DMD: variants seen among roughly 807,000 people sequenced by gnomAD.
DMD encodes the protein mutant dystrophin.
In DMD, 63 loss-of-function variants were observed where a neutral mutation model predicts 330.1. The ratio of observed to expected loss-of-function variants is 0.19; its 90% CI spans 0.16 to 0.24. DMD has a LOEUF of 0.24. Among genes scored for constraint, DMD ranks in the 10% least tolerant of loss-of-function variants. DMD has a pLI of 1.00. For synonymous variants in DMD, 1,223 were observed against 959.8 expected (o/e 1.27, Z -5.07); for missense variants, 3,344 against 2,684.1 (o/e 1.25, Z -5.43).
chrX:32,360,783 CCA>C (rs967912312), intron 37 of DMD, among the ~76,000 whole-genome samples: 10 of 90,330 alleles, frequency 1.1e-4, no homozygotes, highest in Non-Finnish European at 2.1e-4. Context: ...AGAGTCTCCA[CCA>C]CACACACACA....
chrX:31,983,074 T>C (rs2095487434), intron 44 of DMD, among the ~76,000 whole-genome samples: 1 of 109,783 alleles, frequency 9.1e-6, no homozygotes, highest in Admixed American at 9.9e-5. Context: ...ATAAACTTAG[T>C]TTACTTGATA....
chrX:33,293,462 G>C (rs2053542252), intron 1 of DMD, among the ~76,000 whole-genome samples: 2 of 111,352 alleles, frequency 1.8e-5, no homozygotes, highest in Non-Finnish European at 3.8e-5. Flanking sequence ...GGCTATTCAA[G>C]CTCCAATCAT....
chrX:32,504,467 T>TA (rs1647096202), intron 18 of DMD, among the ~76,000 whole-genome samples: 1 of 109,602 alleles, frequency 9.1e-6, no homozygotes, highest in South Asian at 4.0e-4. Flanking sequence ...CTACTAAAAA[T>TA]ACAAACATAA....
intron 17 of DMD, among the ~76,000 whole-genome samples, chrX:32,534,790 T>C (rs1288102920): frequency 2.7e-5 from 3 of 110,761 alleles, no homozygotes; most frequent in African/African-American, 9.9e-5. Flanking sequence ...AAAGTCTCCA[T>C]TTCCAAATTC....
chrX:32,651,769 C>A (rs898747971), intron 9 of DMD, among the ~76,000 whole-genome samples: 1 of 111,929 alleles, frequency 8.9e-6, no homozygotes, highest in African/African-American at 3.3e-5. Context: ...CATACACCTA[C>A]TACGTAGCCA....
intron 60 of DMD, among the ~76,000 whole-genome samples, chrX:31,367,289 C>CT (rs893040154): frequency 7.2e-4 from 80 of 110,885 alleles, no homozygotes; most frequent in African/African-American, 2.3e-3. Flanking sequence ...AAAATAACGC[C>CT]TTTTTTTTCA....
rs184195274 is a variant in DMD, at chrX:32,518,195, G to T, written c.2169-64C>A. 18 of 1,062,968 alleles carry T rather than the reference G, an allele frequency of 1.7e-5. No individual in the cohort carries two copies. The East Asian group carries it at 4.4e-4, about 26-fold the overall frequency. The allele number at this position is 1,062,968 out of a possible 1,213,427, so 87.6% of individuals were successfully genotyped here. ...ATCTCTTTCTTCTATATTAAAAAAAGCAATTTATCCACATTTATCATTCTT... is the reference window on the plus strand; with the variant it reads ...ATCTCTTTCTTCTATATTAAAAAAATCAATTTATCCACATTTATCATTCTT... On this transcript the variant is annotated intron_variant, in intron 17 of 78. Transcript: ENST00000357033.
intron 45 of DMD, among the ~76,000 whole-genome samples, chrX:31,961,158 T>G (rs1220646927): frequency 1.8e-5 from 2 of 112,180 alleles, no homozygotes; most frequent in Non-Finnish European, 3.8e-5. Context: ...GTCTCTTAAA[T>G]GTACTAAATT....
intron 47 of DMD, among the ~76,000 whole-genome samples, chrX:31,896,076 G>T (rs996248783): frequency 3.6e-5 from 4 of 111,737 alleles, no homozygotes; most frequent in Non-Finnish European, 7.5e-5. Context: ...GTGATCCTTA[G>T]CATCAGGGTT....
chrX:32,499,882 A>C (rs771298824), intron 19 of DMD, among the ~76,000 whole-genome samples: 26 of 111,481 alleles, frequency 2.3e-4, no homozygotes, highest in African/African-American at 7.5e-4. Context: ...AATATTATGC[A>C]ATTTGTTCCT....
intron 44 of DMD, among the ~76,000 whole-genome samples, chrX:32,172,659 C>A (rs1001809070): frequency 7.2e-5 from 8 of 111,758 alleles, no homozygotes; most frequent in Non-Finnish European, 1.3e-4. Flanking sequence ...TAGACTTATA[C>A]TCTATAGTGT....
At chrX:31,206,947 G>T (rs2044133288) in intron 65 of DMD, among the ~76,000 whole-genome samples, 1 of 72,056 alleles carries the variant, frequency 1.4e-5, no homozygotes, top group Non-Finnish European at 2.8e-5. Context: ...AACTGCAAAA[G>T]TTCTACATAA....
At chrX:31,803,979 G>A (rs760700338) in intron 50 of DMD, among the ~76,000 whole-genome samples, 18 of 110,953 alleles carry the variant, frequency 1.6e-4, no homozygotes, top group South Asian at 1.5e-3. Flanking sequence ...GATTACAGGC[G>A]TGAGCCACCG....
rs1291545468 is a variant in DMD, at chrX:32,912,874, T to G, written c.94-63054A>C. ...GAAAATTCGAAGTAATAAACACATT[T>G]GGTTATGATTGAAACTGTATGTCTT... On this transcript the variant is annotated intron_variant, in intron 2 of 78. Coordinates refer to ENST00000357033, the MANE Select transcript of DMD (RefSeq NM_004006.3). 3.6e-5 allele frequency among the ~76,000 whole-genome samples: 4 copies of G among 111,941 alleles called. No individual in the cohort carries two copies. The South Asian group carries it at 1.1e-3, about 31-fold the overall frequency.
chrX:31,392,599 C>T (rs957831173), intron 60 of DMD, among the ~76,000 whole-genome samples: 11 of 111,753 alleles, frequency 9.8e-5, no homozygotes, highest in East Asian at 8.5e-4. Context: ...GACTGAAGCG[C>T]GAACTGTGTC....
chrX:31,453,765 CAAAAAAAAAAAA>C (rs760511403), intron 59 of DMD, among the ~76,000 whole-genome samples: 5 of 8,983 alleles, frequency 5.6e-4, no homozygotes, highest in Non-Finnish European at 8.6e-4. Context: ...AAAAAACAAG[CAAAAAAAAAAAA>C]AAAAAAAAAA....
intron 26 of DMD, among the ~76,000 whole-genome samples, chrX:32,454,094 C>A (rs1413508679): frequency 9.0e-6 from 1 of 110,744 alleles, no homozygotes; most frequent in Non-Finnish European, 1.9e-5. Context: ...CAAGTCCAGG[C>A]TTCACCTCCA....
At position 32,969,843 on chromosome X, in the gene DMD, T is replaced by C. The variant is rs2092322261; in HGVS notation, c.93+50296A>G. Among the ~76,000 whole-genome samples, 3 of 94,891 alleles carry C rather than the reference T, an allele frequency of 3.2e-5. 1 individual carries two copies. The highest frequency in any genetic ancestry group is 3.1e-4 in the Admixed American group (3 of 9,599). 82.4% of individuals were successfully genotyped at this position (94,891 alleles called of 115,157 possible). A position where few individuals can be genotyped will look rare whatever the true frequency, so the allele number is the denominator to read the frequency against. ...AGGCATGGACTACCACCAAGCTATG[T>C]CCATTTAGATTACCTATTTTACTAT... On this transcript the variant is annotated intron_variant, in intron 2 of 78. Coordinates refer to ENST00000357033, the MANE Select transcript of DMD (RefSeq NM_004006.3).
At chrX:33,158,884 G>A (rs1221276073) in intron 1 of DMD, among the ~76,000 whole-genome samples, 1 of 111,991 alleles carries the variant, frequency 8.9e-6, no homozygotes, top group African/African-American at 3.3e-5. Context: ...CATTTTAAAT[G>A]TCAGATGAGT....
Sources: gnomAD v4.1 joint callset for allele counts (sites outside exome capture counted in the v4.1 genomes callset) on GRCh38, gnomAD v4.1.1 for gene constraint, MANE v1.5 for transcripts, NCBI Gene and HGNC (gene_info 2026-07-23, HGNC 2026-07-21) for gene names.